Variants in TENM4 observed in about 807,000 individuals in gnomAD.
The protein encoded by TENM4 is teneurin-4.
A neutral mutation model predicts 243.3 loss-of-function variants in TENM4; 82 were observed. That is an observed-to-expected ratio of 0.34 (90% CI 0.28 to 0.40). TENM4 has a LOEUF of 0.40. Ranked by LOEUF, TENM4 falls within the 10% of genes least tolerant of loss-of-function variation. The pLI, the probability that TENM4 is intolerant of heterozygous loss-of-function variation, is 1.00. For missense variants in TENM4, 3,138 were observed against 3,673.3 expected (o/e 0.85, Z 3.77); for synonymous variants, 1,412 against 1,456.3 (o/e 0.97, Z 0.69).
At chr11:78,879,349 G>A (rs1187907831) in intron 9 of TENM4, among the ~76,000 whole-genome samples, 4 of 151,602 alleles carry the variant, frequency 2.6e-5, no homozygotes, top group African/African-American at 4.8e-5. Context: ...CTGCCCGGCC[G>A]CCCCGTCTGA....
rs1172776088 is a variant in TENM4, at chr11:78,923,693, CTTTTTTTT to C, written c.494-20178_494-20171del. The stretch of plus-strand genomic sequence containing the variant: ...GCTGGGATGACAGGCATGCACCTGG[CTTTTTTTT>C]TTTTTTTTTTTTTTTTAAAGTAGAG... On this transcript the variant is annotated intron_variant, in intron 6 of 33. Transcript: ENST00000278550. Among the ~76,000 whole-genome samples, 20 of 53,654 alleles carry C rather than the reference CTTTTTTTT, an allele frequency of 3.7e-4. 1 individual carries two copies. In the South Asian group the frequency reaches 4.2e-3, roughly 11 times the overall value. 35.2% of individuals were successfully genotyped at this position (53,654 alleles called of 152,430 possible). A position where few individuals can be genotyped will look rare whatever the true frequency, so the allele number is the denominator to read the frequency against.
chr11:79,063,611 A>G (rs1438406181), intron 6 of TENM4, among the ~76,000 whole-genome samples: 1 of 152,184 alleles, frequency 6.6e-6, no homozygotes, highest in Non-Finnish European at 1.5e-5. Flanking sequence ...AAGCTGCCCA[A>G]GGGCTGGTAG....
intron 2 of TENM4, among the ~76,000 whole-genome samples, chr11:79,248,633 T>A (rs954742729): frequency 6.6e-6 from 1 of 152,208 alleles, no homozygotes; most frequent in South Asian, 2.1e-4. Flanking sequence ...ATACTATTTT[T>A]AAAAAACCAT....
intron 1 of TENM4, among the ~76,000 whole-genome samples, chr11:79,317,696 C>T (rs1856825431): frequency 6.6e-6 from 1 of 152,206 alleles, no homozygotes; most frequent in African/African-American, 2.4e-5. Flanking sequence ...TGTCTGACCT[C>T]AAAACTCCAA....
Position 79,284,137 on chromosome 11 carries a change from A to G in TENM4, c.-265+13351T>C, listed in dbSNP as rs1856207104. On this transcript the variant is annotated intron_variant, in intron 2 of 33. Coordinates refer to ENST00000278550, the MANE Select transcript of TENM4 (RefSeq NM_001098816.3). ...TTGGATAAAAATATTCCCCAAATTT[A>G]TTTATAGATTTAATGTATTCCCTAC... Among the ~76,000 whole-genome samples the G allele has an allele frequency of 2.0e-5, 3 of 152,302 alleles. No homozygotes were observed. The East Asian group carries it at 5.8e-4, about 29-fold the overall frequency.
In TENM4 at chr11:78,732,409, A is replaced by G; in HGVS notation, c.3045T>C (p.Asn1015=). The stretch of plus-strand genomic sequence containing the variant: ...AGACGACTGGGTTGGGGCGGGCAAA[A>G]TTGCTCAGGTCACAGCTGGGAATCT... ...ENEIPSCDLS[N]FARPNPVVSP... Residue 1015 remains asparagine, a synonymous_variant, in exon 21 of 34, where the codon AAT becomes AAC. Transcript: ENST00000278550. 6.2e-7 allele frequency: 1 copy of G among 1,613,906 alleles called. No homozygotes were observed. The highest frequency in any genetic ancestry group is 8.5e-7 in the Non-Finnish European group (1 of 1,179,870).
chr11:78,688,973 C>T (rs1858752054), intron 28 of TENM4, among the ~76,000 whole-genome samples: 1 of 152,196 alleles, frequency 6.6e-6, no homozygotes, highest in Non-Finnish European at 1.5e-5. Flanking sequence ...CATTGAACAC[C>T]TCCAATATAC....
chr11:79,017,805 C>T (rs1328190350), intron 6 of TENM4, among the ~76,000 whole-genome samples: 2 of 152,220 alleles, frequency 1.3e-5, no homozygotes, highest in South Asian at 2.1e-4. Context: ...GGTCCAGCCT[C>T]ATGGGCACAG....
chr11:79,057,635 T>C (rs976913816), intron 6 of TENM4, among the ~76,000 whole-genome samples: 1 of 152,208 alleles, frequency 6.6e-6, no homozygotes, highest in African/African-American at 2.4e-5. Flanking sequence ...CCCACTAGAA[T>C]GTATCTCCAT....
At chr11:79,153,365 C>T (rs1403096250) in intron 3 of TENM4, among the ~76,000 whole-genome samples, 1 of 152,218 alleles carries the variant, frequency 6.6e-6, no homozygotes, top group Non-Finnish European at 1.5e-5. Context: ...GACCAAAGCA[C>T]TGTAGAACAT....
intron 9 of TENM4, among the ~76,000 whole-genome samples, chr11:78,877,813 G>A (rs981618435): frequency 7.2e-5 from 11 of 152,192 alleles, no homozygotes; most frequent in African/African-American, 2.7e-4. Flanking sequence ...TTTGCCAGGG[G>A]GAAGGGGCAG....
intron 10 of TENM4, among the ~76,000 whole-genome samples, chr11:78,858,598 C>G (rs1858736375): frequency 6.6e-6 from 1 of 152,112 alleles, no homozygotes; most frequent in South Asian, 2.1e-4. Context: ...GTTAAAAATC[C>G]TTATTGCCTT....
intron 1 of TENM4, among the ~76,000 whole-genome samples, chr11:79,389,730 T>A (rs1858190554): frequency 6.6e-6 from 1 of 152,194 alleles, no homozygotes; most frequent in Non-Finnish European, 1.5e-5. Context: ...CAAAATGTTA[T>A]CCCCCACAAA....
chr11:78,987,380 T>C (rs1169420874), intron 6 of TENM4, among the ~76,000 whole-genome samples: 1 of 152,216 alleles, frequency 6.6e-6, no homozygotes, highest in East Asian at 1.9e-4. Context: ...TTCATTCATG[T>C]TGAGTGAAAG....
intron 2 of TENM4, among the ~76,000 whole-genome samples, chr11:79,234,111 G>T (rs1225665840): frequency 6.6e-6 from 1 of 152,178 alleles, no homozygotes; most frequent in Non-Finnish European, 1.5e-5. Flanking sequence ...TCTGAGACTT[G>T]TTTCCCTATC....
At chr11:78,717,014 T>C (rs373077207) in intron 25 of TENM4, among the ~76,000 whole-genome samples, 14 of 152,262 alleles carry the variant, frequency 9.2e-5, no homozygotes, top group African/African-American at 3.4e-4. Context: ...TGTCTGATTC[T>C]GATTCAATTC....
At chr11:78,803,877 T>C (rs1185473374) in intron 15 of TENM4, among the ~76,000 whole-genome samples, 1 of 152,250 alleles carries the variant, frequency 6.6e-6, no homozygotes. Flanking sequence ...GAATTATTCC[T>C]AAGACCCTGC....
chr11:79,091,945 C>T (rs556554720), intron 4 of TENM4, among the ~76,000 whole-genome samples: 2 of 152,174 alleles, frequency 1.3e-5, no homozygotes, highest in South Asian at 4.2e-4. Flanking sequence ...TTAAATCCTC[C>T]AGGAGCTTCC....
chr11:78,755,660 C>T (rs1856289547), intron 19 of TENM4, among the ~76,000 whole-genome samples: 1 of 152,168 alleles, frequency 6.6e-6, no homozygotes, highest in African/African-American at 2.4e-5. Context: ...GCTCTCTGCT[C>T]CTCAGCCTGG....
Sources: allele counts gnomAD v4.1 joint callset (sites outside exome capture counted in the v4.1 genomes callset), GRCh38; gene constraint gnomAD v4.1.1; transcripts MANE v1.5; gene names NCBI Gene and HGNC (gene_info 2026-07-23, HGNC 2026-07-21).